C2CD3: variants seen among roughly 807,000 people sequenced by gnomAD.
The protein encoded by C2CD3 is C2 domain-containing protein 3.
C2CD3 carries 148 observed loss-of-function variants against 234.0 expected under a neutral mutation model. The ratio of observed to expected loss-of-function variants is 0.63; its 90% CI spans 0.55 to 0.72. C2CD3 has a LOEUF of 0.72. Ranked by LOEUF, C2CD3 falls within the 30% of genes least tolerant of loss-of-function variation. C2CD3 has a pLI of 0.00. For missense variants in C2CD3, 2,577 were observed against 2,811.5 expected (o/e 0.92, Z 1.89); for synonymous variants, 1,000 against 1,035.4 (o/e 0.97, Z 0.66).
At chr11:74,116,841 T>C (rs1287540754) in intron 9 of C2CD3, among the ~76,000 whole-genome samples, 1 of 142,450 alleles carries the variant, frequency 7.0e-6, no homozygotes, top group East Asian at 2.2e-4. Flanking sequence ...TGTGTATATA[T>C]ACACGTGTAT....
intron 9 of C2CD3, among the ~76,000 whole-genome samples, chr11:74,116,723 C>A (rs1254653990): frequency 6.6e-6 from 1 of 150,638 alleles, no homozygotes; most frequent in Non-Finnish European, 1.5e-5. Flanking sequence ...ATGGAACCAG[C>A]CTAAATGCCC....
At chr11:74,013,703 T>A (rs1415509262) in intron 32 of C2CD3, among the ~76,000 whole-genome samples, 178 bp from the exon 33 acceptor site, 1 of 152,166 alleles carries the variant, frequency 6.6e-6, no homozygotes, top group African/African-American at 2.4e-5. Flanking sequence ...ATGGGGGGTA[T>A]ATCATTCTCC....
At chr11:74,071,290 T>A (rs1410875036) in intron 24 of C2CD3, among the ~76,000 whole-genome samples, 1 of 152,196 alleles carries the variant, frequency 6.6e-6, no homozygotes, top group African/African-American at 2.4e-5. Context: ...TTTAGCCAGG[T>A]CAAGGCAAGC....
At chr11:74,082,326 A>G (rs1456976589) in intron 22 of C2CD3, among the ~76,000 whole-genome samples, 3 of 152,090 alleles carry the variant, frequency 2.0e-5, no homozygotes, top group African/African-American at 7.2e-5. Context: ...CTTGTTAGCC[A>G]GGATGGTCTC....
chr11:74,148,701 C>A (rs1231240979), intron 3 of C2CD3, among the ~76,000 whole-genome samples: 1 of 152,086 alleles, frequency 6.6e-6, no homozygotes. Flanking sequence ...GTCCCTCACT[C>A]CCCAGTCTGA....
intron 22 of C2CD3, among the ~76,000 whole-genome samples, chr11:74,079,087 TGA>T (rs914193864): frequency 1.5e-5 from 2 of 133,710 alleles, no homozygotes; most frequent in Admixed American, 1.5e-4. Context: ...GAAAGAGCTT[TGA>T]GAGAGAAGTG....
intron 18 of C2CD3, among the ~76,000 whole-genome samples, chr11:74,093,244 G>A (rs945383190): frequency 1.3e-5 from 2 of 150,652 alleles, no homozygotes; most frequent in Non-Finnish European, 2.9e-5. Context: ...TTGAACATCC[G>A]TATTTATGCC....
At chr11:74,092,679 T>C in intron 18 of C2CD3, 91 bp from the exon 19 acceptor site, 2 of 1,057,596 alleles carry the variant, frequency 1.9e-6, no homozygotes, top group Non-Finnish European at 2.8e-6. Flanking sequence ...CCTGGTTATC[T>C]TTGGTGCCTG....
intron 2 of C2CD3, among the ~76,000 whole-genome samples, chr11:74,163,262 C>T (rs1856591488): frequency 6.6e-6 from 1 of 152,196 alleles, no homozygotes; most frequent in Non-Finnish European, 1.5e-5. Flanking sequence ...ATATTCGCAT[C>T]ACTGCTGTTC....
rs1565313625 is a variant in C2CD3, at chr11:74,117,140, A to T, written c.1520+1088T>A. Among the ~76,000 whole-genome samples the T allele has an allele frequency of 4.6e-4, 21 of 45,416 alleles. 4 individuals carry two copies. The highest frequency in any genetic ancestry group is 2.7e-3 in the African/African-American group (19 of 6,934). The allele number at this position is 45,416 out of a possible 152,430, so 29.8% of individuals were successfully genotyped here. On this transcript the variant is annotated intron_variant, in intron 9 of 32. Transcript: ENST00000334126. ...AATATATATATATGAATATATATAT[A>T]TGAATATATATATATGAATATATAT...
chr11:74,164,295 G>C (rs1856666786), intron 2 of C2CD3: 2 of 939,204 alleles, frequency 2.1e-6, no homozygotes, highest in African/African-American at 3.6e-5. Flanking sequence ...AATTTTCTCA[G>C]TTTCTACTCT....
At chr11:74,048,360 T>C (rs1591330703) in intron 27 of C2CD3, 22 bp from the exon 28 acceptor site, 2 of 1,611,990 alleles carry the variant, frequency 1.2e-6, no homozygotes, top group African/African-American at 1.3e-5. Context: ...ACAAGAAAAA[T>C]GGTACACTTG....
chr11:74,158,720 C>T (rs1190064594), intron 3 of C2CD3, among the ~76,000 whole-genome samples: 1 of 132,766 alleles, frequency 7.5e-6, no homozygotes, highest in Non-Finnish European at 1.6e-5. Flanking sequence ...AAAACTTCGT[C>T]TCAAAAAAAA....
At position 74,074,254 on chromosome 11, in the gene C2CD3, T is replaced by C. The variant is rs750913542; in HGVS notation, c.4950A>G (p.Lys1650=). The C allele has an allele frequency of 1.2e-6, 2 of 1,610,010 alleles. No individual in the cohort carries two copies. Among genetic ancestry groups the C allele is most frequent in the Admixed American group, 3.3e-5 (2 of 59,920 alleles). ...LVERAMHLSL[K]GSPLTERKVS... ...CCTGGGTAGGTGAGGAGAGCATACCTTTCAAGCTCAAGTGCATTGCTCTTT... is the reference window on the plus strand; with the variant it reads ...CCTGGGTAGGTGAGGAGAGCATACCCTTCAAGCTCAAGTGCATTGCTCTTT... The change falls in exon 24 of 33, where the codon AAA becomes AAG. Residue 1650 remains lysine, a splice_region_variant and synonymous_variant. Coordinates refer to ENST00000334126, the MANE Select transcript of C2CD3 (RefSeq NM_001286577.2).
At position 74,106,359 on chromosome 11, in the gene C2CD3, A is replaced by G. The variant is rs1398646343; in HGVS notation, c.2085+12T>C. The G allele has an allele frequency of 6.2e-7, 1 of 1,613,412 alleles. No homozygotes were observed. Among genetic ancestry groups the G allele is most frequent in the East Asian group, 2.2e-5 (1 of 44,878 alleles). ...CAAATACTTCTGACTTCCTGAATGT[A>G]TATCTACATACCTTGAGGGGGCCAA... On this transcript the variant is annotated intron_variant, in intron 13 of 32. Coordinates refer to ENST00000334126, the MANE Select transcript of C2CD3 (RefSeq NM_001286577.2).
chr11:74,090,494 G>C (rs1270003155), intron 20 of C2CD3, among the ~76,000 whole-genome samples: 1 of 152,200 alleles, frequency 6.6e-6, no homozygotes, highest in Non-Finnish European at 1.5e-5. Context: ...TGAAAGGAAT[G>C]AAGTGAGATT....
intron 24 of C2CD3, among the ~76,000 whole-genome samples, chr11:74,064,407 C>G (rs929617982): frequency 6.6e-6 from 1 of 152,022 alleles, no homozygotes; most frequent in Non-Finnish European, 1.5e-5. Context: ...AACCATTGCT[C>G]AATGAAATAA....
chr11:74,080,078 A>C (rs1456488175), intron 22 of C2CD3, among the ~76,000 whole-genome samples: 1 of 152,150 alleles, frequency 6.6e-6, no homozygotes, highest in Non-Finnish European at 1.5e-5. Flanking sequence ...CTGAGGTCAG[A>C]TTTGGCTCCT....
intron 32 of C2CD3, among the ~76,000 whole-genome samples, chr11:74,016,159 C>T (rs1219552987): frequency 1.3e-5 from 2 of 152,210 alleles, no homozygotes; most frequent in African/African-American, 2.4e-5. Context: ...TTATGGACAA[C>T]AGGCAGACGT....
Sources: gnomAD v4.1 joint callset for allele counts (sites outside exome capture counted in the v4.1 genomes callset) on GRCh38, gnomAD v4.1.1 for gene constraint, MANE v1.5 for transcripts, NCBI Gene and HGNC (gene_info 2026-07-23, HGNC 2026-07-21) for gene names.